Variants in MYH4 observed in about 807,000 individuals in gnomAD.
MYH4 encodes myosin heavy chain 4, also known as myosin-4.
A neutral mutation model predicts 229.9 loss-of-function variants in MYH4; 200 were observed. That is an observed-to-expected ratio of 0.87 (90% CI 0.78 to 0.98). The LOEUF is 0.98. MYH4 is among the 50% of genes least tolerant of loss of function. MYH4 has a pLI of 0.00. For missense variants in MYH4, 2,148 were observed against 2,332.6 expected (o/e 0.92, Z 1.63); for synonymous variants, 761 against 834.6 (o/e 0.91, Z 1.52).
At position 10,464,705 on chromosome 17, in the gene MYH4, C is replaced by T. The variant is rs765014025; in HGVS notation, c.509G>A (p.Arg170His). 10 of 1,613,198 alleles carry T rather than the reference C, an allele frequency of 6.2e-6. No homozygotes were observed. The highest frequency in any genetic ancestry group is 2.2e-5 in the South Asian group (2 of 91,058). Reference sequence around the variant, plus strand: ...CGTAATCAAGATTGACTGGTTTTCACGATCTGTAAAAGAGAAGCCAAAGAT... The same window carrying T: ...CGTAATCAAGATTGACTGGTTTTCATGATCTGTAAAAGAGAAGCCAAAGAT... ...DNAYQFMLTD[R>H]ENQSILITGE... The change falls in exon 6 of 40, where the codon CGT becomes CAT. Residue 170 changes from arginine (R) to histidine (H), a missense_variant. Coordinates refer to ENST00000255381, the MANE Select transcript of MYH4 (RefSeq NM_017533.2).
chr17:10,451,904 G>A, intron 27 of MYH4, 37 bp downstream of exon 27: 2 of 1,552,882 alleles, frequency 1.3e-6, no homozygotes, highest in Non-Finnish European at 1.7e-6. Flanking sequence ...TTGAATTGTT[G>A]CAAATAAAGA....
At chr17:10,455,584 AT>A in intron 19 of MYH4, 29 bp downstream of exon 19, 1 of 1,613,042 alleles carries the variant, frequency 6.2e-7, no homozygotes, top group Non-Finnish European at 8.5e-7. Context: ...AGACTAAGAC[AT>A]TGGAAGGGAA....
chr17:10,467,269 A>G (rs2072777752), intron 2 of MYH4, among the ~76,000 whole-genome samples: 1 of 152,228 alleles, frequency 6.6e-6, no homozygotes, highest in East Asian at 1.9e-4. Flanking sequence ...ATCCCAAATT[A>G]TTAAAATTGG....
At chr17:10,449,235 G>A (rs1477750378) in intron 30 of MYH4, among the ~76,000 whole-genome samples, 188 bp from the exon 31 acceptor site, 1 of 152,084 alleles carries the variant, frequency 6.6e-6, no homozygotes, top group Non-Finnish European at 1.5e-5. Flanking sequence ...TCCATCTCAG[G>A]TATTGCCAAA....
At chr17:10,451,903 T>C in intron 27 of MYH4, 38 bp downstream of exon 27, 1 of 1,552,736 alleles carries the variant, frequency 6.4e-7, no homozygotes, top group Non-Finnish European at 8.7e-7. Flanking sequence ...TTTGAATTGT[T>C]GCAAATAAAG....
chr17:10,459,725 T>C (rs2142225809), intron 14 of MYH4, among the ~76,000 whole-genome samples: 1 of 152,162 alleles, frequency 6.6e-6, no homozygotes, highest in South Asian at 2.1e-4. Flanking sequence ...AGGATAGATT[T>C]TGACTATTTT....
intron 15 of MYH4, among the ~76,000 whole-genome samples, chr17:10,458,902 A>G (rs532468255): frequency 1.3e-5 from 2 of 152,334 alleles, no homozygotes; most frequent in Admixed American, 6.5e-5. Context: ...TAAATGCACA[A>G]TACACTGTCA....
intron 12 of MYH4, among the ~76,000 whole-genome samples, chr17:10,460,637 T>G (rs942065018): frequency 3.9e-5 from 6 of 152,232 alleles, no homozygotes; most frequent in African/African-American, 1.4e-4. Context: ...TTCAGATCTC[T>G]GTTTCTTTCA....
intron 9 of MYH4, 21 bp from the exon 10 acceptor site, chr17:10,463,209 A>G: frequency 6.3e-7 from 1 of 1,593,680 alleles, no homozygotes; most frequent in Non-Finnish European, 8.6e-7. Context: ...GATTAAGCTC[A>G]TTTAAAAGAA....
At position 10,462,814 on chromosome 17, in the gene MYH4, T is replaced by G. The variant is rs779766587; in HGVS notation, c.1008+51A>C. On this transcript the variant is annotated intron_variant, in intron 11 of 39. Coordinates refer to ENST00000255381, the MANE Select transcript of MYH4 (RefSeq NM_017533.2). ...TTTCCACCCTAATAGAGGAGAGTGT[T>G]GTACACTGGAAAATGAATTTACTTT... 5 of 1,437,638 alleles carry G rather than the reference T, an allele frequency of 3.5e-6. No individual in the cohort carries two copies. The South Asian group carries it at 3.6e-5, about 10-fold the overall frequency. The allele number at this position is 1,437,638 out of a possible 1,614,324, so 89.1% of individuals were successfully genotyped here. A position where few individuals can be genotyped will look rare whatever the true frequency, so the allele number is the denominator to read the frequency against.
chr17:10,445,102 G>A lies in MYH4; in HGVS notation c.5340C>T (p.Ser1780=), dbSNP rs927957828. Residue 1780 remains serine (S), a synonymous_variant, in exon 37 of 40, where the codon AGC becomes AGT. Coordinates refer to ENST00000255381, the MANE Select transcript of MYH4 (RefSeq NM_017533.2). ...AEELKKEQDT[S]AHLERMKKNM... is the part of the protein sequence containing the mutation. The stretch of plus-strand genomic sequence containing the variant: ...TCTTCTTCATCCGCTCCAGGTGGGC[G>A]CTGGTGTCCTGTTCCTTCTTCAGCT... The A allele has an allele frequency of 1.3e-5, 21 of 1,614,030 alleles. No individual in the cohort carries two copies. The highest frequency in any genetic ancestry group is 4.0e-5 in the African/African-American group (3 of 74,936).
Position 10,460,946 on chromosome 17 carries a change from C to T in MYH4, c.1117G>A (p.Glu373Lys). ...GNMKFKQKQR[E>K]EQAEPDGTEV... The stretch of plus-strand genomic sequence containing the variant: ...GTGCCATCTGGCTCTGCCTGCTCTT[C>T]CCTTTGCTTTTGCTTGAATTTCATG... Residue 373 changes from glutamate to lysine, a missense_variant, in exon 12 of 40, where the codon GAA becomes AAA. Coordinates refer to ENST00000255381, the MANE Select transcript of MYH4 (RefSeq NM_017533.2). 6.2e-7 allele frequency: 1 copy of T among 1,614,096 alleles called. No homozygotes were observed. The highest frequency in any genetic ancestry group is 8.5e-7 in the Non-Finnish European group (1 of 1,180,002).
Position 10,454,827 on chromosome 17 carries a change from A to G in MYH4, c.2436-17T>C, listed in dbSNP as rs2072620103. ...ATGGACTCTCTGTAGGAAAAGAAAA[A>G]AAGATGCAAATGGAGAATAATGTGG... On this transcript the variant is annotated splice_polypyrimidine_tract_variant and intron_variant, in intron 21 of 39. Coordinates refer to ENST00000255381, the MANE Select transcript of MYH4 (RefSeq NM_017533.2). 6.2e-7 allele frequency: 1 copy of G among 1,611,160 alleles called. No individual in the cohort carries two copies. The highest frequency in any genetic ancestry group is 8.5e-7 in the Non-Finnish European group (1 of 1,178,430).
chr17:10,461,056 T>C lies in MYH4; in HGVS notation c.1009-2A>G, dbSNP rs141583135. On this transcript the variant is annotated splice_acceptor_variant, in intron 11 of 39. Coordinates refer to ENST00000255381, the MANE Select transcript of MYH4 (RefSeq NM_017533.2). LOFTEE classifies it high-confidence loss of function. The stretch of plus-strand genomic sequence containing the variant: ...GAAACCCAGGATGTCCACAGCACTC[T>C]GTCAAAAGAGTTGAATTTGCTCATC... The C allele has an allele frequency of 2.5e-6, 4 of 1,613,902 alleles. No homozygotes were observed. The highest frequency in any genetic ancestry group is 3.4e-6 in the Non-Finnish European group (4 of 1,179,920).
chr17:10,447,008 C>A lies in MYH4; in HGVS notation c.5169+5G>T. ...CATTTTCTAAACCATAGTCTTGAAC[C>A]TCACCTGAGTGTGCAGAAGTTGCAC... On this transcript the variant is annotated splice_donor_5th_base_variant and intron_variant, in intron 35 of 39. Coordinates refer to ENST00000255381, the MANE Select transcript of MYH4 (RefSeq NM_017533.2). The A allele has an allele frequency of 6.2e-7, 1 of 1,613,354 alleles. No homozygotes were observed. The highest frequency in any genetic ancestry group is 8.5e-7 in the Non-Finnish European group (1 of 1,179,536).
chr17:10,451,793 AT>A (rs1477974242), intron 27 of MYH4, 147 bp downstream of exon 27: 1 of 1,017,954 alleles, frequency 9.8e-7, no homozygotes, highest in Non-Finnish European at 1.4e-6. Flanking sequence ...AACTTAAGTG[AT>A]TCAATACAAT....
intron 27 of MYH4, 65 bp downstream of exon 27, chr17:10,451,876 T>C: frequency 6.5e-7 from 1 of 1,535,140 alleles, no homozygotes. Flanking sequence ...AAAATAGTCA[T>C]ATATAAACTT....
At position 10,459,983 on chromosome 17, in the gene MYH4, A is replaced by G; in HGVS notation, c.1385T>C (p.Val462Ala). 1 of 1,613,876 alleles carries G rather than the reference A, an allele frequency of 6.2e-7. No individual in the cohort carries two copies. Among genetic ancestry groups the G allele is most frequent in the Non-Finnish European group, 8.5e-7 (1 of 1,179,922 alleles). ...TKQPRQYFIGVLDIAGFEIFD... is the reference protein window; with the variant it reads ...TKQPRQYFIGALDIAGFEIFD... ...GATCTCAAAGCCAGCAATGTCCAAG[A>G]CCCCGATGAAGTACTGCCTGGGCTG... The change falls in exon 14 of 40, where the codon GTC becomes GCC. Residue 462 changes from valine (V) to alanine (A), a missense_variant. Val to Ala is a moderately conservative substitution (Grantham distance 64, BLOSUM62 0). Coordinates refer to ENST00000255381, the MANE Select transcript of MYH4 (RefSeq NM_017533.2).
In MYH4 at chr17:10,452,404, G is replaced by A. The variant is rs1243929294; in HGVS notation, c.3348+12C>T. ...CCTGTAATGCCCAGAAAAGGTGGAG[G>A]TTATAACTTACCTGTAATTCTTTGA... On this transcript the variant is annotated intron_variant, in intron 26 of 39. Coordinates refer to ENST00000255381, the MANE Select transcript of MYH4 (RefSeq NM_017533.2). 3 of 1,614,010 alleles carry A rather than the reference G, an allele frequency of 1.9e-6. No individual in the cohort carries two copies. The highest frequency in any genetic ancestry group is 1.3e-5 in the African/African-American group (1 of 74,934).
Sources: gnomAD v4.1 joint callset for allele counts (sites outside exome capture counted in the v4.1 genomes callset) on GRCh38, gnomAD v4.1.1 for gene constraint, MANE v1.5 for transcripts, NCBI Gene and HGNC (gene_info 2026-07-23, HGNC 2026-07-21) for gene names.